The following CSMD3 variants were observed in gnomAD, a reference collection of about 807,000 sequenced individuals.
CSMD3 encodes the protein CUB and Sushi multiple domains 3.
A neutral mutation model predicts 435.2 loss-of-function variants in CSMD3; 177 were observed. That is an observed-to-expected ratio of 0.41 (90% CI 0.36 to 0.46). The LOEUF is 0.46. Among genes scored for constraint, CSMD3 ranks in the 20% least tolerant of loss-of-function variants. The pLI is 0.34. For synonymous variants in CSMD3, 1,656 were observed against 1,520.5 expected, an observed-to-expected ratio of 1.09 and a Z score of -2.07; for missense variants, 4,265 against 4,504.6, an observed-to-expected ratio of 0.95 and a Z score of 1.52.
chr8:112,252,689 A>G (rs1209688079), intron 63 of CSMD3, among the ~76,000 whole-genome samples: 4,346 of 76,376 alleles, frequency 0.057, 223 homozygotes, highest in African/African-American at 0.21. Flanking sequence ...GTATATATAT[A>G]TATATATATA....
At chr8:112,838,468 T>G (rs1181298764) in intron 11 of CSMD3, among the ~76,000 whole-genome samples, 1 of 151,740 alleles carries the variant, frequency 6.6e-6, no homozygotes. Flanking sequence ...GTTAGAGAGA[T>G]TGAAGACCTA....
At chr8:112,689,075 C>A (rs994306416) in intron 14 of CSMD3, among the ~76,000 whole-genome samples, 2 of 151,986 alleles carry the variant, frequency 1.3e-5, no homozygotes, top group African/African-American at 4.8e-5. Flanking sequence ...TCTTCTCTTA[C>A]AAGAACTTCA....
intron 6 of CSMD3, among the ~76,000 whole-genome samples, chr8:113,009,636 G>A (rs2086184195): frequency 6.6e-6 from 1 of 151,730 alleles, no homozygotes; most frequent in Non-Finnish European, 1.5e-5. Context: ...AATCTAAACA[G>A]TAATTGCTAT....
intron 6 of CSMD3, among the ~76,000 whole-genome samples, chr8:113,011,976 A>G (rs1048167014): frequency 2.6e-5 from 4 of 151,784 alleles, no homozygotes; most frequent in South Asian, 4.1e-4. Context: ...CACAACAAAA[A>G]TTGTTTTAAA....
intron 2 of CSMD3, among the ~76,000 whole-genome samples, chr8:113,299,358 TTA>T (rs1271685944): frequency 6.6e-6 from 1 of 152,194 alleles, no homozygotes; most frequent in Non-Finnish European, 1.5e-5. Flanking sequence ...GCTATTTGTG[TTA>T]TATTGCTATA....
At chr8:112,241,372 T>G (rs1180820006) in intron 66 of CSMD3, among the ~76,000 whole-genome samples, 1 of 152,084 alleles carries the variant, frequency 6.6e-6, no homozygotes, top group Non-Finnish European at 1.5e-5. Flanking sequence ...CCAAGTGTAT[T>G]TGGATCCTTT....
At chr8:113,277,956 G>A (rs896618383) in intron 3 of CSMD3, among the ~76,000 whole-genome samples, 1 of 151,834 alleles carries the variant, frequency 6.6e-6, no homozygotes, top group African/African-American at 2.4e-5. Flanking sequence ...ATTATCAAAC[G>A]ATATTTTCCT....
intron 38 of CSMD3, among the ~76,000 whole-genome samples, chr8:112,378,157 T>C (rs1344241940): frequency 7.7e-6 from 1 of 130,240 alleles, no homozygotes; most frequent in African/African-American, 2.5e-5. Flanking sequence ...GTGGATATTA[T>C]CAAACACACA....
Position 112,270,692 on chromosome 8 carries a change from GT to G in CSMD3, c.9509-5103del, listed in dbSNP as rs567168177. 4.7e-3 allele frequency among the ~76,000 whole-genome samples: 708 copies of G among 151,936 alleles called. 8 individuals carry two copies. The highest frequency in any genetic ancestry group is 0.016 in the African/African-American group (670 of 41,468). ...ATACTCACAGTTATGTTTCTACTTT[GT>G]TTTTAAAGGTTTTTGTAAGAAAACA... On this transcript the variant is annotated intron_variant, in intron 59 of 70. Coordinates refer to ENST00000297405, the MANE Select transcript of CSMD3 (RefSeq NM_198123.2).
In CSMD3 at chr8:112,580,485, C is replaced by T. The variant is rs143242761; in HGVS notation, c.3885+6581G>A. On this transcript the variant is annotated intron_variant, in intron 23 of 70. Coordinates refer to ENST00000297405, the MANE Select transcript of CSMD3 (RefSeq NM_198123.2). ...GACAATAGAGGGAACATGTACCTGG[C>T]TTTCTATCTGGAGCCCAGAAAGGTG... is the stretch of plus-strand genomic sequence containing the variant. Among the ~76,000 whole-genome samples the T allele has an allele frequency of 3.6e-3, 530 of 149,204 alleles. 1 individual carries two copies. The highest frequency in any genetic ancestry group is 0.013 in the African/African-American group (509 of 40,448).
intron 4 of CSMD3, among the ~76,000 whole-genome samples, chr8:113,101,574 A>G (rs2090331176): frequency 6.6e-6 from 1 of 152,024 alleles, no homozygotes; most frequent in Admixed American, 6.6e-5. Context: ...AAATAACTCT[A>G]CACTCCTGAC....
chr8:113,150,690 G>GA lies in CSMD3; in HGVS notation c.709+23031_709+23032insT, dbSNP rs2091785921. 5.3e-5 allele frequency among the ~76,000 whole-genome samples: 8 copies of GA among 152,078 alleles called. No homozygotes were observed. In the South Asian group the frequency reaches 1.7e-3, roughly 32 times the overall value. ...ATATGGGAAAGGACAAGATTTTCATGTTTTATTCTTAATTGCTAATAAATA... is the reference window on the plus strand; with the variant it reads ...ATATGGGAAAGGACAAGATTTTCATGATTTTATTCTTAATTGCTAATAAATA... On this transcript the variant is annotated intron_variant, in intron 4 of 70. Transcript: ENST00000297405.
At position 112,484,223 on chromosome 8, in the gene CSMD3, T is replaced by A. The variant is rs187312518; in HGVS notation, c.5278+8266A>T. On this transcript the variant is annotated intron_variant, in intron 31 of 70. Transcript: ENST00000297405. ...TTCTCTAGACTTTAACCGAATTTTT[T>A]TCTAACTGAATTTTAGCATTTCTCT... Among the ~76,000 whole-genome samples the A allele has an allele frequency of 2.0e-3, 304 of 152,292 alleles. 1 individual carries two copies. The highest frequency in any genetic ancestry group is 6.8e-3 in the African/African-American group (283 of 41,576).
chr8:112,387,463 T>TTATGTGTGTGTG (rs1830072403), intron 36 of CSMD3, among the ~76,000 whole-genome samples: 1 of 87,126 alleles, frequency 1.1e-5, no homozygotes. Flanking sequence ...AAGTCATATA[T>TTATGTGTGTGTG]TATGTGTGTG....
intron 3 of CSMD3, among the ~76,000 whole-genome samples, chr8:113,174,197 T>G (rs139931378): frequency 0.013 from 1,963 of 152,260 alleles, 19 homozygotes; most frequent in Non-Finnish European, 0.021. Context: ...TTTACTCAGA[T>G]AAGTAAAACT....
chr8:112,327,659 A>C (rs1315959070), intron 45 of CSMD3, among the ~76,000 whole-genome samples: 1 of 152,172 alleles, frequency 6.6e-6, no homozygotes, highest in African/African-American at 2.4e-5. Flanking sequence ...GTTATCTGAC[A>C]TGCCCCACCA....
chr8:113,351,833 C>A (rs2094192422), intron 1 of CSMD3, among the ~76,000 whole-genome samples: 1 of 152,114 alleles, frequency 6.6e-6, no homozygotes, highest in African/African-American at 2.4e-5. Flanking sequence ...GGTTTAAAGC[C>A]TTGTTTTCTT....
intron 35 of CSMD3, 82 bp from the exon 36 acceptor site, chr8:112,390,870 TA>T: frequency 7.9e-7 from 1 of 1,260,712 alleles, no homozygotes; most frequent in East Asian, 2.4e-5. Flanking sequence ...GATAACATCT[TA>T]GACAGATACT....
chr8:112,955,091 G>A (rs1042567845), intron 7 of CSMD3, among the ~76,000 whole-genome samples: 4 of 151,396 alleles, frequency 2.6e-5, no homozygotes, highest in East Asian at 1.9e-4. Context: ...CAACTTTTAC[G>A]GAATAAATTA....
Sources: gnomAD v4.1 joint callset for allele counts (sites outside exome capture counted in the v4.1 genomes callset) on GRCh38, gnomAD v4.1.1 for gene constraint, MANE v1.5 for transcripts, NCBI Gene and HGNC (gene_info 2026-07-23, HGNC 2026-07-21) for gene names.